Variants in KLHL1 observed in about 807,000 individuals in gnomAD.
The protein encoded by KLHL1 is kelch-like protein 1.
KLHL1 carries 47 observed loss-of-function variants against 77.7 expected under a neutral mutation model. The observed-to-expected ratio is 0.60, with a 90% CI of 0.48 to 0.77. KLHL1 has a LOEUF of 0.77. KLHL1 is among the 30% of genes least tolerant of loss of function. The probability of loss-of-function intolerance (pLI) is 0.00; values close to 1 mark genes in which losing one functional copy is unlikely to be tolerated. For synonymous variants in KLHL1, 360 were observed against 325.2 expected (o/e 1.11, Z -1.15); for missense variants, 925 against 910.8 (o/e 1.02, Z -0.20).
chr13:70,104,906 C>T (rs1034987489), intron 1 of KLHL1, among the ~76,000 whole-genome samples: 1 of 152,002 alleles, frequency 6.6e-6, no homozygotes, highest in African/African-American at 2.4e-5. Context: ...GCAGTGACTC[C>T]TACTTTTACT....
rs1185282462 is a variant in KLHL1, at chr13:70,027,649, G to GTTTTT, written c.498-51848_498-51847insAAAAA. ...GGCATTTTTGAAGCGCAAAATGTAA[G>GTTTTT]TTGTTTTTTTTTTTTTATGAACTGA... is the stretch of plus-strand genomic sequence containing the variant. On this transcript the variant is annotated intron_variant, in intron 1 of 10. Transcript: ENST00000377844. Among the ~76,000 whole-genome samples the GTTTTT allele has an allele frequency of 1.0e-4, 11 of 109,330 alleles. 2 individuals carry two copies. The highest frequency in any genetic ancestry group is 1.8e-4 in the Non-Finnish European group (10 of 57,056). 71.7% of individuals were successfully genotyped at this position (109,330 alleles called of 152,430 possible).
At chr13:69,867,845 C>A (rs1438153374) in intron 5 of KLHL1, among the ~76,000 whole-genome samples, 8 of 114,168 alleles carry the variant, frequency 7.0e-5, no homozygotes, top group Admixed American at 1.2e-4. Flanking sequence ...CACACTGGGG[C>A]CTGTTGTGGG....
chr13:70,054,151 A>G (rs988200115), intron 1 of KLHL1, among the ~76,000 whole-genome samples: 12 of 152,140 alleles, frequency 7.9e-5, no homozygotes, highest in African/African-American at 2.7e-4. Flanking sequence ...CACATTACAC[A>G]CTGTGCTAGT....
intron 8 of KLHL1, among the ~76,000 whole-genome samples, chr13:69,733,253 C>T (rs1873627237): frequency 6.6e-6 from 1 of 151,802 alleles, no homozygotes; most frequent in Admixed American, 6.6e-5. Context: ...ACTGAACTTA[C>T]ATATCTCCCC....
At chr13:69,946,672 T>A (rs1175985670) in intron 3 of KLHL1, among the ~76,000 whole-genome samples, 1 of 151,958 alleles carries the variant, frequency 6.6e-6, no homozygotes, top group African/African-American at 2.4e-5. Context: ...ACCACTAGGT[T>A]CAGCTATTTA....
chr13:69,832,411 C>G (rs898414562), intron 6 of KLHL1, among the ~76,000 whole-genome samples: 2 of 149,682 alleles, frequency 1.3e-5, no homozygotes, highest in African/African-American at 5.0e-5. Context: ...GTGAAAGACT[C>G]TGCATGGAAA....
At position 70,107,333 on chromosome 13, in the gene KLHL1, C is replaced by G. The variant is rs1215478987; in HGVS notation, c.367G>C (p.Glu123Gln). 1.2e-6 allele frequency: 2 copies of G among 1,614,100 alleles called. No homozygotes were observed. The highest frequency in any genetic ancestry group is 1.7e-6 in the Non-Finnish European group (2 of 1,180,022). ...GGCACCACCTCCTCCTCTAGTGACT[C>G]CACGTAGAAGAGAGTCCTGGCTGGC... ...QQPARTLFYVESLEEEVVPGM... is the reference protein window; with the variant it reads ...QQPARTLFYVQSLEEEVVPGM... Residue 123 changes from glutamate to glutamine, a missense_variant, in exon 1 of 11, where the codon GAG (glutamate) becomes CAG (glutamine). Transcript: ENST00000377844.
intron 1 of KLHL1, among the ~76,000 whole-genome samples, chr13:70,104,477 C>T (rs1240805401): frequency 6.6e-6 from 1 of 152,008 alleles, no homozygotes; most frequent in African/African-American, 2.4e-5. Flanking sequence ...CTGTTCTAAC[C>T]GGTTTACTCA....
intron 4 of KLHL1, among the ~76,000 whole-genome samples, chr13:69,896,738 G>A (rs1203328893): frequency 6.6e-6 from 1 of 150,646 alleles, no homozygotes; most frequent in Non-Finnish European, 1.5e-5. Context: ...GTGCAATCTC[G>A]GCTCACTGCA....
intron 7 of KLHL1, among the ~76,000 whole-genome samples, chr13:69,783,547 G>A (rs373155700): frequency 1.2e-4 from 19 of 152,064 alleles, no homozygotes; most frequent in South Asian, 2.1e-4. Flanking sequence ...CTCAGGAGCC[G>A]ATGCGATCAA....
At position 69,975,758 on chromosome 13, in the gene KLHL1, T is replaced by C; in HGVS notation, c.542A>G (p.Asp181Gly). 1 of 1,612,506 alleles carries C rather than the reference T, an allele frequency of 6.2e-7. No homozygotes were observed. The highest frequency in any genetic ancestry group is 8.5e-7 in the Non-Finnish European group (1 of 1,179,614). The part of the protein sequence containing the change: ...GHSMTPQSDL[D>G]SSSSEEFYQA... ...ATAGAATTCTTCAGAGCTACTGGAGTCCAAATCACTTTGAGGTGTCATTGA... is the reference window on the plus strand; with the variant it reads ...ATAGAATTCTTCAGAGCTACTGGAGCCCAAATCACTTTGAGGTGTCATTGA... Residue 181 changes from aspartate to glycine, a missense_variant, in exon 2 of 11, where the codon GAC (aspartate) becomes GGC (glycine). Transcript: ENST00000377844.
At chr13:69,950,666 T>C (rs542988122) in intron 3 of KLHL1, among the ~76,000 whole-genome samples, 1 of 151,838 alleles carries the variant, frequency 6.6e-6, no homozygotes, top group African/African-American at 2.4e-5. Flanking sequence ...TTATCACAGA[T>C]ATGTTCTTTT....
At chr13:70,091,338 T>G (rs989974605) in intron 1 of KLHL1, among the ~76,000 whole-genome samples, 6 of 152,062 alleles carry the variant, frequency 3.9e-5, no homozygotes, top group African/African-American at 1.4e-4. Flanking sequence ...TTGTTCCTTC[T>G]TTTTACAATT....
At chr13:69,966,551 A>G (rs1291066035) in intron 2 of KLHL1, among the ~76,000 whole-genome samples, 1 of 152,174 alleles carries the variant, frequency 6.6e-6, no homozygotes, top group Middle Eastern at 3.2e-3. Flanking sequence ...CTCATTAAGA[A>G]ATAATTTTGA....
chr13:69,706,648 A>T (rs768235888), intron 10 of KLHL1, among the ~76,000 whole-genome samples: 5 of 151,954 alleles, frequency 3.3e-5, no homozygotes, highest in Non-Finnish European at 7.4e-5. Context: ...CTGCACTCCT[A>T]GATGGAAACT....
At chr13:69,983,369 T>C (rs980678540) in intron 1 of KLHL1, among the ~76,000 whole-genome samples, 1 of 151,976 alleles carries the variant, frequency 6.6e-6, no homozygotes, top group Non-Finnish European at 1.5e-5. Flanking sequence ...ATGAAATTTA[T>C]ATGGAAAAGA....
intron 2 of KLHL1, among the ~76,000 whole-genome samples, chr13:69,974,994 A>G (rs9542142): frequency 0.38 from 56,950 of 151,838 alleles, 10,749 homozygotes; most frequent in East Asian, 0.45. Flanking sequence ...ATGTATTCCA[A>G]GACACTGACT....
At chr13:70,026,370 A>T (rs991977616) in intron 1 of KLHL1, among the ~76,000 whole-genome samples, 2 of 152,140 alleles carry the variant, frequency 1.3e-5, no homozygotes, top group Non-Finnish European at 2.9e-5. Flanking sequence ...TAGTTAACTT[A>T]GAAAAGATAA....
At chr13:70,043,726 T>G (rs1886431612) in intron 1 of KLHL1, among the ~76,000 whole-genome samples, 1 of 152,222 alleles carries the variant, frequency 6.6e-6, no homozygotes, top group Non-Finnish European at 1.5e-5. Flanking sequence ...GACTATACCA[T>G]GTAGCCTACA....
Sources: allele counts gnomAD v4.1 joint callset (sites outside exome capture counted in the v4.1 genomes callset), GRCh38; gene constraint gnomAD v4.1.1; transcripts MANE v1.5; gene names NCBI Gene and HGNC (gene_info 2026-07-23, HGNC 2026-07-21).